Variants in SIPA1 observed in about 807,000 individuals in gnomAD.
SIPA1 encodes signal-induced proliferation-associated protein 1.
Under a neutral mutation model 88.1 loss-of-function variants are expected in SIPA1, and 51 were observed. That is an observed-to-expected ratio of 0.58 (90% CI 0.46 to 0.73). The LOEUF (loss-of-function observed/expected upper bound fraction) is 0.73, where lower values mean the gene tolerates loss of function less well. Ranked by LOEUF, SIPA1 falls within the 30% of genes least tolerant of loss-of-function variation. The pLI is 0.00. For missense variants in SIPA1, 1,348 were observed against 1,467.6 expected, an observed-to-expected ratio of 0.92 and a Z score of 1.33; for synonymous variants, 681 against 664.8, an observed-to-expected ratio of 1.02 and a Z score of -0.37.
chr11:65,647,764 ACCTTT>A, intron 9 of SIPA1, 106 bp downstream of exon 9: 1 of 902,236 alleles, frequency 1.1e-6, no homozygotes, highest in Non-Finnish European at 1.4e-6. Context: ...CAGTGTGGAT[ACCTTT>A]CCTTCTGGAA....
At chr11:65,649,130 T>C (rs1351036880) in intron 9 of SIPA1, 132 bp from the exon 10 acceptor site, 13 of 656,014 alleles carry the variant, frequency 2.0e-5, no homozygotes, top group Non-Finnish European at 2.9e-5. Context: ...CAGGCAGACA[T>C]TTTTCACTGT....
intron 14 of SIPA1, 79 bp from the exon 15 acceptor site, chr11:65,650,322 T>A: frequency 6.4e-7 from 1 of 1,555,522 alleles, no homozygotes. Flanking sequence ...GGGGCCCCTC[T>A]CATTAGCTGG....
At chr11:65,648,790 C>T (rs375329583) in intron 9 of SIPA1, among the ~76,000 whole-genome samples, 35 of 151,504 alleles carry the variant, frequency 2.3e-4, no homozygotes, top group African/African-American at 7.0e-4. Flanking sequence ...GAGCTGTGAT[C>T]GCGCCATTGC....
chr11:65,641,888 T>C (rs1856010997), intron 2 of SIPA1, among the ~76,000 whole-genome samples: 1 of 152,190 alleles, frequency 6.6e-6, no homozygotes, highest in South Asian at 2.1e-4. Context: ...CCTATGGGCT[T>C]TTCTGTGGGG....
At position 65,641,306 on chromosome 11, in the gene SIPA1, G is replaced by T. The variant is rs751554462; in HGVS notation, c.385G>T (p.Ala129Ser). The change falls in exon 2 of 16, where the codon GCT (alanine) becomes TCT (serine). Residue 129 changes from alanine to serine, a missense_variant. By Grantham distance (99) the Ala-to-Ser change is moderately conservative. This residue lies in a region of SIPA1 where 641 missense variants were observed against 797.7 expected (regional missense o/e 0.80). Transcript: ENST00000534313. ...CGTGCAAAGCCTGCTCTTTGATTGG[G>T]CTCCGAGGTCTCAGGGGATGGGGAG... ...YDVQSLLFDW[A>S]PRSQGMGSHS... 6.2e-7 allele frequency: 1 copy of T among 1,613,612 alleles called. No homozygotes were observed. The highest frequency in any genetic ancestry group is 1.7e-5 in the Admixed American group (1 of 60,024).
intron 4 of SIPA1, among the ~76,000 whole-genome samples, chr11:65,644,361 A>T (rs1856066727): frequency 6.6e-6 from 1 of 150,866 alleles, no homozygotes; most frequent in Non-Finnish European, 1.5e-5. Context: ...GGGTACCAGG[A>T]TGAGGCCACA....
chr11:65,640,836 G>T lies in SIPA1; in HGVS notation c.-86G>T. 1 of 1,246,286 alleles carries T rather than the reference G, an allele frequency of 8.0e-7. No homozygotes were observed. Among genetic ancestry groups the T allele is most frequent in the South Asian group, 1.6e-5 (1 of 62,754 alleles). The allele number at this position is 1,246,286 out of a possible 1,614,324, so 77.2% of individuals were successfully genotyped here. A position where few individuals can be genotyped will look rare whatever the true frequency, so the allele number is the denominator to read the frequency against. On this transcript the variant is annotated 5_prime_UTR_variant, in exon 2 of 16. Transcript: ENST00000534313. ...GCAGCCCCCTCCTCCTTCAGGGCAG[G>T]AACTGCTGCCACAACCTCAGGCTGG... is the stretch of plus-strand genomic sequence containing the variant.
At chr11:65,644,445 A>T (rs1856068090) in intron 4 of SIPA1, among the ~76,000 whole-genome samples, 2 of 151,914 alleles carry the variant, frequency 1.3e-5, no homozygotes. Flanking sequence ...CTGTAAGTGC[A>T]GACAAGTTTA....
chr11:65,641,018 A>C lies in SIPA1; in HGVS notation c.97A>C (p.Arg33=). Residue 33 remains arginine (R), a synonymous_variant, in exon 2 of 16, where the codon AGG becomes CGG. Transcript: ENST00000534313. ...LFARKLRQPA[R]PPLTPHTFEP... ...TGCCCGCAAGCTGCGCCAGCCAGCA[A>C]GGCCCCCGCTGACACCGCACACCTT... The C allele has an allele frequency of 6.3e-7, 1 of 1,591,784 alleles. No individual in the cohort carries two copies. The highest frequency in any genetic ancestry group is 8.5e-7 in the Non-Finnish European group (1 of 1,173,942).
chr11:65,642,901 C>CTTTCTTTATTTA lies in SIPA1; in HGVS notation c.984+265_984+266insCTTTATTTATTT, dbSNP rs1555003564. ...CAGACCATCTGAATCAGAGTTTGCA[C>CTTTCTTTATTTA]TTTATTTATTTATTTATTTATTTAT... On this transcript the variant is annotated intron_variant, in intron 4 of 15. Transcript: ENST00000534313. This position sits in a 1 kb window ranked among gnomAD's most constrained non-coding sequence, Gnocchi z 6.5. Among the ~76,000 whole-genome samples the CTTTCTTTATTTA allele has an allele frequency of 8.3e-3, 1,215 of 146,958 alleles. 22 individuals are homozygous for CTTTCTTTATTTA. The highest frequency in any genetic ancestry group is 0.028 in the African/African-American group (1,120 of 39,406).
chr11:65,641,159 C>A lies in SIPA1; in HGVS notation c.238C>A (p.Arg80=). ...ARAHSHEEAS[R]PAATSTRLFT... ...TGCCCACAGCCACGAAGAGGCCAGC[C>A]GACCTGCAGCCACTTCCACCCGGCT... Residue 80 remains arginine, a synonymous_variant, in exon 2 of 16, where the codon CGA becomes AGA. Transcript: ENST00000534313. 2 of 1,607,082 alleles carry A rather than the reference C, an allele frequency of 1.2e-6. No individual in the cohort carries two copies. Among genetic ancestry groups the A allele is most frequent in the South Asian group, 1.1e-5 (1 of 91,076 alleles).
chr11:65,647,987 T>G (rs1053823173), intron 9 of SIPA1, among the ~76,000 whole-genome samples: 4 of 151,988 alleles, frequency 2.6e-5, no homozygotes, highest in African/African-American at 7.3e-5. Context: ...TTCTCCTGCC[T>G]CAGCCTCCCT....
At chr11:65,649,513 C>T (rs1352248963) in intron 10 of SIPA1, 33 bp downstream of exon 10, 2 of 1,613,870 alleles carry the variant, frequency 1.2e-6, no homozygotes, top group African/African-American at 1.3e-5. Context: ...CTCCTCCAGG[C>T]CTCTGGGAAA....
chr11:65,638,709 T>C (rs570675699), intron 1 of SIPA1, among the ~76,000 whole-genome samples: 296 of 152,218 alleles, frequency 1.9e-3, no homozygotes, highest in Non-Finnish European at 3.3e-3. Flanking sequence ...CCCCCACCCC[T>C]AGTGACACAG....
chr11:65,643,961 T>A (rs1369146145), intron 4 of SIPA1, among the ~76,000 whole-genome samples: 1 of 152,066 alleles, frequency 6.6e-6, no homozygotes, highest in Non-Finnish European at 1.5e-5. Context: ...CTGAAGGCTA[T>A]TGCAGTTGCC....
In SIPA1 at chr11:65,646,482, C is replaced by T. The variant is rs1255834361; in HGVS notation, c.1448C>T (p.Thr483Ile). The change falls in exon 8 of 16, where the codon ACC (threonine) becomes ATC (isoleucine). Residue 483 changes from threonine (T) to isoleucine (I), a missense_variant. This residue lies in a region of SIPA1 where 641 missense variants were observed against 797.7 expected (regional missense o/e 0.80). Transcript: ENST00000534313. This position sits in a 1 kb window ranked among gnomAD's most constrained non-coding sequence, Gnocchi z 7.5. ...GTGGCCGTGAGCCGCACCCAGGACA[C>T]CCCTGCCTTCGGGCCAGCTCTGCCT... ...YRVAVSRTQDTPAFGPALPAG... is the reference protein window; with the variant it reads ...YRVAVSRTQDIPAFGPALPAG... 6.9e-6 allele frequency: 11 copies of T among 1,582,840 alleles called. No homozygotes were observed. The highest frequency in any genetic ancestry group is 8.5e-6 in the Non-Finnish European group (10 of 1,170,846).
At position 65,640,819 on chromosome 11, in the gene SIPA1, C is replaced by A; in HGVS notation, c.-91-12C>A. On this transcript the variant is annotated splice_polypyrimidine_tract_variant and intron_variant, in intron 1 of 15. Transcript: ENST00000534313. Reference sequence around the variant, plus strand: ...TGCCCAGGCCCCTCTGAGCAGCCCCCTCCTCCTTCAGGGCAGGAACTGCTG... The same window carrying A: ...TGCCCAGGCCCCTCTGAGCAGCCCCATCCTCCTTCAGGGCAGGAACTGCTG... 9.2e-7 allele frequency: 1 copy of A among 1,090,684 alleles called. No individual in the cohort carries two copies. The highest frequency in any genetic ancestry group is 1.3e-6 in the Non-Finnish European group (1 of 796,488). The allele number at this position is 1,090,684 out of a possible 1,614,324, so 67.6% of individuals were successfully genotyped here.
At position 65,642,719 on chromosome 11, in the gene SIPA1, G is replaced by T. The variant is rs1025452135; in HGVS notation, c.984+80G>T. On this transcript the variant is annotated intron_variant, in intron 4 of 15. Coordinates refer to ENST00000534313, the MANE Select transcript of SIPA1 (RefSeq NM_006747.4). The surrounding 1 kb of genome is among the most constrained non-coding windows in gnomAD (Gnocchi z 6.5). ...AGCCTGCCCAGCTCCCAAACCCCTAGCCTTGACCCTGATCCTGGGCTGGGT... is the reference window on the plus strand; with the variant it reads ...AGCCTGCCCAGCTCCCAAACCCCTATCCTTGACCCTGATCCTGGGCTGGGT... 3 of 1,328,556 alleles carry T rather than the reference G, an allele frequency of 2.3e-6. No individual in the cohort carries two copies. Among genetic ancestry groups the T allele is most frequent in the Non-Finnish European group, 3.0e-6 (3 of 1,004,418 alleles). 82.3% of individuals were successfully genotyped at this position (1,328,556 alleles called of 1,614,324 possible).
chr11:65,647,801 C>A, intron 9 of SIPA1, 143 bp downstream of exon 9: 1 of 550,004 alleles, frequency 1.8e-6, no homozygotes, highest in Non-Finnish European at 2.7e-6. Context: ...TCTCTTAGCC[C>A]GTCTGAGCCT....
Sources: allele counts gnomAD v4.1 joint callset (sites outside exome capture counted in the v4.1 genomes callset), GRCh38; gene constraint gnomAD v4.1.1; regional missense constraint gnomAD v4.1.1; non-coding constraint Gnocchi (gnomAD v3.1); transcripts MANE v1.5; gene names NCBI Gene and HGNC (gene_info 2026-07-23, HGNC 2026-07-21).